The following MBD5 variants were observed in gnomAD, a reference collection of about 807,000 sequenced individuals.
MBD5 encodes methyl-CpG binding domain protein 5, also known as methyl-CpG-binding domain protein 5.
A neutral mutation model predicts 117.3 loss-of-function variants in MBD5; 13 were observed. The ratio of observed to expected loss-of-function variants is 0.11; its 90% CI spans 0.07 to 0.18. The LOEUF (loss-of-function observed/expected upper bound fraction) is 0.18. MBD5 is among the 10% of genes least tolerant of loss of function. The pLI, the probability that MBD5 is intolerant of heterozygous loss-of-function variation, is 1.00. For synonymous variants in MBD5, 727 were observed against 766.4 expected, an observed-to-expected ratio of 0.95 and a Z score of 0.85; for missense variants, 1,879 against 2,093.8, an observed-to-expected ratio of 0.90 and a Z score of 2.00.
chr2:148,136,372 A>G (rs1006291901), intron 1 of MBD5, among the ~76,000 whole-genome samples: 1 of 152,200 alleles, frequency 6.6e-6, no homozygotes, highest in Non-Finnish European at 1.5e-5. Flanking sequence ...AAGTTAAAAT[A>G]GAAAAGTGAG....
intron 3 of MBD5, among the ~76,000 whole-genome samples, chr2:148,267,974 G>A (rs1278536618): frequency 7.4e-6 from 1 of 134,364 alleles, no homozygotes; most frequent in Admixed American, 7.9e-5. Context: ...TTTTGAGACA[G>A]GTTCTCACTT....
intron 3 of MBD5, among the ~76,000 whole-genome samples, chr2:148,313,813 A>T (rs1050733379): frequency 6.6e-5 from 10 of 152,172 alleles, no homozygotes; most frequent in Admixed American, 5.9e-4. Flanking sequence ...TGTGAAGACC[A>T]TGGGAAAAGC....
At chr2:148,092,998 A>G (rs911997429) in intron 1 of MBD5, among the ~76,000 whole-genome samples, 1 of 151,878 alleles carries the variant, frequency 6.6e-6, no homozygotes, top group African/African-American at 2.4e-5. Context: ...GCTGACTGCA[A>G]CTTCTGCCTT....
At chr2:148,427,659 G>A (rs1289171030) in intron 4 of MBD5, among the ~76,000 whole-genome samples, 1 of 152,086 alleles carries the variant, frequency 6.6e-6, no homozygotes, top group Non-Finnish European at 1.5e-5. Context: ...GCAGGGGGGA[G>A]GGATAGCATT....
intron 1 of MBD5, among the ~76,000 whole-genome samples, chr2:148,150,235 AAGATCAGAT>A (rs1299604642): frequency 1.5e-4 from 22 of 148,808 alleles, no homozygotes; most frequent in Non-Finnish European, 3.0e-4. Flanking sequence ...AGGTTTGTCA[AAGATCAGAT>A]AGTTGTAGAT....
chr2:148,421,798 T>C (rs1317445801), intron 4 of MBD5, among the ~76,000 whole-genome samples: 3 of 152,274 alleles, frequency 2.0e-5, no homozygotes, highest in African/African-American at 7.2e-5. Flanking sequence ...ACCCTCACAG[T>C]GTAAACAAAG....
intron 4 of MBD5, among the ~76,000 whole-genome samples, chr2:148,348,249 G>A (rs1703170909): frequency 1.3e-5 from 2 of 151,740 alleles, no homozygotes; most frequent in South Asian, 4.2e-4. Flanking sequence ...ACTTTAGCCC[G>A]TACCTGTTCC....
At chr2:148,198,306 T>A (rs1187244941) in intron 2 of MBD5, among the ~76,000 whole-genome samples, 1 of 152,150 alleles carries the variant, frequency 6.6e-6, no homozygotes, top group Non-Finnish European at 1.5e-5. Context: ...ACTACCTGAG[T>A]TCTAATGGTC....
At chr2:148,291,855 G>A (rs1330133721) in intron 3 of MBD5, among the ~76,000 whole-genome samples, 1 of 152,070 alleles carries the variant, frequency 6.6e-6, no homozygotes, top group Non-Finnish European at 1.5e-5. Context: ...CATGGTCCTG[G>A]CATAAAAACA....
chr2:148,348,018 C>T (rs143347208), intron 4 of MBD5, among the ~76,000 whole-genome samples: 3 of 152,030 alleles, frequency 2.0e-5, no homozygotes, highest in South Asian at 2.1e-4. Context: ...AATATGCAAG[C>T]CCATCACCTT....
chr2:148,232,162 T>C (rs2044760), intron 2 of MBD5, among the ~76,000 whole-genome samples: 91,489 of 151,990 alleles, frequency 0.6, 27,747 homozygotes, highest in East Asian at 0.72. Context: ...AAGAAGAACA[T>C]GAAGGCCACT....
intron 1 of MBD5, among the ~76,000 whole-genome samples, chr2:148,047,866 G>A (rs889100336): frequency 3.9e-5 from 6 of 152,198 alleles, no homozygotes; most frequent in Non-Finnish European, 7.3e-5. Context: ...AGAACAGCAT[G>A]TGCAAAGACA....
intron 3 of MBD5, among the ~76,000 whole-genome samples, chr2:148,251,155 C>G (rs1392881763): frequency 6.6e-6 from 1 of 152,062 alleles, no homozygotes; most frequent in Non-Finnish European, 1.5e-5. Flanking sequence ...GAGTGCCTGA[C>G]CTCTTCAGAA....
At chr2:148,417,310 T>TTTTTTTTTTTTG in intron 4 of MBD5, among the ~76,000 whole-genome samples, 1 of 130,416 alleles carries the variant, frequency 7.7e-6, no homozygotes. Context: ...TTTTTTTTTT[T>TTTTTTTTTTTTG]GTACTTTTAG....
chr2:148,311,215 C>T (rs1702021368), intron 3 of MBD5, among the ~76,000 whole-genome samples: 1 of 152,142 alleles, frequency 6.6e-6, no homozygotes, highest in African/African-American at 2.4e-5. Flanking sequence ...AATTTTCTGT[C>T]TAGCTGATCT....
chr2:148,201,771 C>A (rs1699149146), intron 2 of MBD5, among the ~76,000 whole-genome samples: 1 of 152,152 alleles, frequency 6.6e-6, no homozygotes, highest in Non-Finnish European at 1.5e-5. Flanking sequence ...GGTGGTTTCT[C>A]TCTCAGTGTG....
chr2:148,111,967 A>C (rs936825929), intron 1 of MBD5, among the ~76,000 whole-genome samples: 1 of 152,176 alleles, frequency 6.6e-6, no homozygotes, highest in African/African-American at 2.4e-5. Flanking sequence ...AATGTGGTCT[A>C]TCTCTCTCAA....
chr2:148,123,040 C>A (rs1225557734), intron 1 of MBD5, among the ~76,000 whole-genome samples: 1 of 152,180 alleles, frequency 6.6e-6, no homozygotes, highest in East Asian at 1.9e-4. Context: ...GAGCTAAGAA[C>A]ATGTAACTTT....
chr2:148,215,279 A>G (rs1574146182), intron 2 of MBD5, among the ~76,000 whole-genome samples: 1 of 152,196 alleles, frequency 6.6e-6, no homozygotes, highest in Non-Finnish European at 1.5e-5. Flanking sequence ...TAGTGTCTGG[A>G]ATATATTTGA....
Sources: allele counts gnomAD v4.1 joint callset (sites outside exome capture counted in the v4.1 genomes callset), GRCh38; gene constraint gnomAD v4.1.1; transcripts MANE v1.5; gene names NCBI Gene and HGNC (gene_info 2026-07-23, HGNC 2026-07-21).